Variants in PRDM1 observed in about 807,000 individuals in gnomAD.
PRDM1 encodes the protein PR domain zinc finger protein 1.
PRDM1 carries 13 observed loss-of-function variants against 62.8 expected under a neutral mutation model. The ratio of observed to expected loss-of-function variants is 0.21; its 90% CI spans 0.13 to 0.33. PRDM1 has a LOEUF of 0.33. Among genes scored for constraint, PRDM1 ranks in the 10% least tolerant of loss-of-function variants. The pLI, the probability that PRDM1 is intolerant of heterozygous loss-of-function variation, is 1.00. For synonymous variants in PRDM1, 396 were observed against 417.6 expected (o/e 0.95, Z 0.63); for missense variants, 895 against 1,058.8 (o/e 0.85, Z 2.15).
Position 106,077,500 on chromosome 6 carries a change from T to G in PRDM1, c.-66-10701T>G, listed in dbSNP as rs528335377. ...AGGTGTCTGGGGCCATGCCTAGCAC[T>G]GTCACCATCACCCAGCAACTCTGTA... is the stretch of plus-strand genomic sequence containing the variant. On this transcript the variant is annotated intron_variant, in intron 1 of 6. Coordinates refer to the PRDM1 transcript ENST00000651185. Among the ~76,000 whole-genome samples, 4 of 152,344 alleles carry G rather than the reference T, an allele frequency of 2.6e-5. No individual in the cohort carries two copies. In the East Asian group the frequency reaches 5.8e-4, roughly 22 times the overall value.
chr6:106,028,236 T>C (rs1772792408), intron 1 of PRDM1, among the ~76,000 whole-genome samples: 1 of 152,244 alleles, frequency 6.6e-6, no homozygotes, highest in Admixed American at 6.5e-5. Context: ...GTCCAGTGTC[T>C]TTCGGTCCAA....
At chr6:106,014,080 T>TTTTTA (rs1772588923) in intron 1 of PRDM1, among the ~76,000 whole-genome samples, 1 of 129,306 alleles carries the variant, frequency 7.7e-6, no homozygotes, top group Non-Finnish European at 1.7e-5. Flanking sequence ...TTTTTTTTTT[T>TTTTTA]TGAGACGGGG....
intron 1 of PRDM1, among the ~76,000 whole-genome samples, chr6:106,004,706 A>C (rs905268654): frequency 6.6e-6 from 1 of 152,222 alleles, no homozygotes; most frequent in African/African-American, 2.4e-5. Flanking sequence ...TGTATGACAC[A>C]TGCTGTTATG....
At chr6:106,022,079 TAAAG>T (rs1306657986) in intron 1 of PRDM1, among the ~76,000 whole-genome samples, 3 of 152,184 alleles carry the variant, frequency 2.0e-5, no homozygotes, top group African/African-American at 4.8e-5. Flanking sequence ...AAGGATAAAA[TAAAG>T]CAAGAAAGAG....
At chr6:106,005,683 C>T (rs116746200) in intron 1 of PRDM1, among the ~76,000 whole-genome samples, 16 of 152,184 alleles carry the variant, frequency 1.1e-4, no homozygotes, top group African/African-American at 3.6e-4. Flanking sequence ...TGGAAATATA[C>T]GTATCAAATT....
At chr6:106,041,443 T>A (rs1054949796) in intron 1 of PRDM1, among the ~76,000 whole-genome samples, 4 of 152,218 alleles carry the variant, frequency 2.6e-5, no homozygotes, top group Non-Finnish European at 5.9e-5. Context: ...TTCTTTTACT[T>A]TCATTACCTT....
rs1430576927 is a variant in PRDM1, at chr6:106,109,127, T to TGAG, written c.*1642_*1644dup. 1 of 212,198 alleles carries TGAG rather than the reference T, an allele frequency of 4.7e-6. No homozygotes were observed. Among genetic ancestry groups the TGAG allele is most frequent in the East Asian group, 6.9e-5 (1 of 14,542 alleles). The allele number at this position is 212,198 out of a possible 1,614,324, so 13.1% of individuals were successfully genotyped here. A position where few individuals can be genotyped will look rare whatever the true frequency, so the allele number is the denominator to read the frequency against. On this transcript the variant is annotated 3_prime_UTR_variant, in exon 7 of 7. Transcript: ENST00000369096. ...AAAAAAAAAAAAGAACACTCCTTTC[T>TGAG]GAGACTTTGCTTAATACTTGGTGAC...
chr6:106,013,184 A>G (rs537513782), intron 1 of PRDM1, among the ~76,000 whole-genome samples: 1 of 151,832 alleles, frequency 6.6e-6, no homozygotes, highest in African/African-American at 2.4e-5. Context: ...ATGCCTGGCC[A>G]TACTCTTCAA....
chr6:106,104,399 T>C (rs376684920), intron 4 of PRDM1, among the ~76,000 whole-genome samples: 1 of 152,040 alleles, frequency 6.6e-6, no homozygotes, highest in Admixed American at 6.6e-5. Context: ...TTAGTAGAGA[T>C]GGGGTTTCTC....
chr6:106,081,019 G>A (rs965090868), intron 1 of PRDM1, among the ~76,000 whole-genome samples: 42 of 152,222 alleles, frequency 2.8e-4, no homozygotes, highest in African/African-American at 8.7e-4. Context: ...CTATCTTCAG[G>A]TTAAAAGGTT....
chr6:106,016,470 G>T (rs917135447), intron 1 of PRDM1, among the ~76,000 whole-genome samples: 10 of 152,008 alleles, frequency 6.6e-5, no homozygotes, highest in Admixed American at 2.0e-4. Flanking sequence ...GGTACCCGCA[G>T]ATTAACAAGC....
chr6:106,055,206 C>G (rs1773243564), intron 1 of PRDM1, among the ~76,000 whole-genome samples: 3 of 152,166 alleles, frequency 2.0e-5, no homozygotes, highest in Admixed American at 2.0e-4. Context: ...GGATACTGGG[C>G]AGGGTCCTTA....
intron 4 of PRDM1, among the ~76,000 whole-genome samples, chr6:106,103,312 A>C (rs905322251): frequency 5.3e-5 from 8 of 152,138 alleles, no homozygotes; most frequent in Non-Finnish European, 7.3e-5. Flanking sequence ...TCAGTTCTGG[A>C]GTTTCACAGA....
intron 1 of PRDM1, among the ~76,000 whole-genome samples, chr6:106,021,926 G>C (rs1485870342): frequency 6.6e-6 from 1 of 152,060 alleles, no homozygotes; most frequent in Non-Finnish European, 1.5e-5. Context: ...AGCGTGAAAT[G>C]TTTATTTCTT....
Position 106,106,488 on chromosome 6 carries a change from C to T in PRDM1, c.1891C>T (p.His631Tyr). Reference protein sequence around the residue: ...HYLVHTGEKPHECQVCHKRFS... With the variant: ...HYLVHTGEKPYECQVCHKRFS... ...CCTGGTACACACGGGAGAAAAGCCA[C>T]ATGAATGCCAGGTGCGCAGTATTTT... Residue 631 changes from histidine to tyrosine, a missense_variant, in exon 6 of 7, where the codon CAT becomes TAT. His to Tyr is a moderately conservative substitution (Grantham distance 83). Transcript: ENST00000369096. The surrounding 1 kb of genome is among the most constrained non-coding windows in gnomAD (Gnocchi z 4.4). The T allele has an allele frequency of 6.2e-7, 1 of 1,614,182 alleles. No individual in the cohort carries two copies. Among genetic ancestry groups the T allele is most frequent in the Non-Finnish European group, 8.5e-7 (1 of 1,180,030 alleles).
Position 106,000,510 on chromosome 6 carries a change from TC to T in PRDM1, c.-67+6873del, listed in dbSNP as rs202164258. Among the ~76,000 whole-genome samples the T allele has an allele frequency of 8.2e-3, 1,255 of 152,268 alleles. 21 individuals are homozygous for T. Among genetic ancestry groups the T allele is most frequent in the African/African-American group, 0.029 (1,212 of 41,558 alleles). The stretch of plus-strand genomic sequence containing the variant: ...ACGTACATTTTTAAATGTTAAAGCC[TC>T]CTATATACTCTTTCCATCTCTTTTC... On this transcript the variant is annotated intron_variant, in intron 1 of 6. Transcript: ENST00000652320.
At chr6:106,035,528 C>A (rs1197639772) in intron 1 of PRDM1, among the ~76,000 whole-genome samples, 1 of 152,080 alleles carries the variant, frequency 6.6e-6, no homozygotes, top group Non-Finnish European at 1.5e-5. Context: ...ACTCAAGAGG[C>A]TGAGGTGGGA....
rs929044969 is a variant in PRDM1 at position 106,022,453 on chromosome 6, A to T, written c.-67+28814A>T. ...TTTTTTTTTTTTTTTTTTGAGGTGG[A>T]GTTTCACTCTTTTTGCCCAGGCTGT... On this transcript the variant is annotated intron_variant, in intron 1 of 6. Transcript: ENST00000652320. Among the ~76,000 whole-genome samples the T allele has an allele frequency of 2.5e-5, 3 of 122,394 alleles. No individual in the cohort carries two copies. In the South Asian group the frequency reaches 7.8e-4, roughly 32 times the overall value. 80.3% of individuals were successfully genotyped at this position (122,394 alleles called of 152,430 possible). A position where few individuals can be genotyped will look rare whatever the true frequency, so the allele number is the denominator to read the frequency against.
chr6:106,068,252 C>A (rs1773463501), intron 1 of PRDM1, among the ~76,000 whole-genome samples: 1 of 152,028 alleles, frequency 6.6e-6, no homozygotes, highest in African/African-American at 2.4e-5. Flanking sequence ...CCACGACGCC[C>A]AGCCAATTTT....
Sources: gnomAD v4.1 joint callset for allele counts (sites outside exome capture counted in the v4.1 genomes callset) on GRCh38, gnomAD v4.1.1 for gene constraint, Gnocchi (gnomAD v3.1) non-coding constraint, MANE v1.5 for transcripts, NCBI Gene and HGNC (gene_info 2026-07-23, HGNC 2026-07-21) for gene names.